PKNOX2: variants seen among roughly 807,000 people sequenced by gnomAD.
The protein encoded by PKNOX2 is homeobox protein PKNOX2.
A neutral mutation model predicts 53.1 loss-of-function variants in PKNOX2; 14 were observed. The observed-to-expected ratio is 0.26, with a 90% CI of 0.17 to 0.41. The LOEUF (loss-of-function observed/expected upper bound fraction) is 0.41. Among genes scored for constraint, PKNOX2 ranks in the 10% least tolerant of loss-of-function variants. The probability of loss-of-function intolerance (pLI) is 1.00; values close to 1 mark genes in which losing one functional copy is unlikely to be tolerated. For synonymous variants in PKNOX2, 257 were observed against 242.8 expected (o/e 1.06, Z -0.54); for missense variants, 496 against 602.8 (o/e 0.82, Z 1.85).
At chr11:125,390,118 T>C (rs571214789) in intron 6 of PKNOX2, among the ~76,000 whole-genome samples, 5 of 152,294 alleles carry the variant, frequency 3.3e-5, no homozygotes, top group African/African-American at 1.2e-4. Context: ...GGAAAGGAAA[T>C]GGGAATCCTC....
intron 2 of PKNOX2, among the ~76,000 whole-genome samples, chr11:125,238,995 T>TCA (rs2135588629): frequency 1.3e-5 from 2 of 152,288 alleles, no homozygotes; most frequent in African/African-American, 4.8e-5. Flanking sequence ...CTATGAGGAC[T>TCA]CACTGCGATC....
chr11:125,409,601 G>A (rs1192804108), intron 7 of PKNOX2, among the ~76,000 whole-genome samples: 1 of 152,140 alleles, frequency 6.6e-6, no homozygotes, highest in Non-Finnish European at 1.5e-5. Context: ...GAGAGCTGGA[G>A]GCTGCTCTGT....
intron 1 of PKNOX2, among the ~76,000 whole-genome samples, chr11:125,199,198 C>T (rs1260628098): frequency 6.6e-6 from 1 of 152,066 alleles, no homozygotes; most frequent in Non-Finnish European, 1.5e-5. Context: ...CCAGCCCAGC[C>T]CCAGGTGGCA....
chr11:125,295,907 T>C (rs1947628952), intron 2 of PKNOX2, among the ~76,000 whole-genome samples: 1 of 152,140 alleles, frequency 6.6e-6, no homozygotes, highest in Non-Finnish European at 1.5e-5. Context: ...TCTTCAAGAA[T>C]GTTCTTCTGT....
intron 2 of PKNOX2, among the ~76,000 whole-genome samples, chr11:125,285,297 A>G (rs1946827481): frequency 6.6e-6 from 1 of 152,160 alleles, no homozygotes; most frequent in African/African-American, 2.4e-5. Context: ...GAACGTTGGG[A>G]AAACACACCC....
intron 2 of PKNOX2, chr11:125,287,625 G>A (rs764648919): frequency 6.6e-6 from 1 of 152,248 alleles, no homozygotes; most frequent in Non-Finnish European, 1.5e-5. Context: ...GCAACACGTG[G>A]TGTTGGGCTA....
chr11:125,246,345 G>A lies in PKNOX2; in HGVS notation c.-130+11230G>A, dbSNP rs188360562. Reference sequence around the variant, plus strand: ...TTCCTGCAATAACAAACCCACTCCCGTGATAAAGGTGGCACACTCATGACC... The same window carrying A: ...TTCCTGCAATAACAAACCCACTCCCATGATAAAGGTGGCACACTCATGACC... On this transcript the variant is annotated intron_variant, in intron 2 of 12. Coordinates refer to ENST00000298282, the MANE Select transcript of PKNOX2 (RefSeq NM_001382323.2). 1.8e-3 allele frequency among the ~76,000 whole-genome samples: 271 copies of A among 152,286 alleles called. 7 individuals carry two copies. Among genetic ancestry groups the A allele is most frequent in the Admixed American group, 0.018 (268 of 15,298 alleles).
At chr11:125,401,793 G>A (rs1244818544) in intron 7 of PKNOX2, among the ~76,000 whole-genome samples, 1 of 151,556 alleles carries the variant, frequency 6.6e-6, no homozygotes, top group Non-Finnish European at 1.5e-5. Context: ...GTGTGTGTAT[G>A]TGTGTGCACA....
At chr11:125,423,245 T>G (rs1483559435) in intron 10 of PKNOX2, among the ~76,000 whole-genome samples, 1 of 152,196 alleles carries the variant, frequency 6.6e-6, no homozygotes, top group Non-Finnish European at 1.5e-5. Context: ...ACCTGGGCAG[T>G]CTGACTCTAG....
chr11:125,423,825 T>C (rs923169542), intron 10 of PKNOX2, among the ~76,000 whole-genome samples: 1 of 152,140 alleles, frequency 6.6e-6, no homozygotes, highest in African/African-American at 2.4e-5. Context: ...CTTGCTGGCA[T>C]TGTGAAGCAT....
chr11:125,375,642 G>A (rs1047392988), intron 5 of PKNOX2, among the ~76,000 whole-genome samples: 7 of 152,200 alleles, frequency 4.6e-5, no homozygotes, highest in Non-Finnish European at 1.0e-4. Flanking sequence ...ACTTTACAAA[G>A]TGCCACTGAG....
At chr11:125,195,254 C>A (rs117245449) in intron 1 of PKNOX2, among the ~76,000 whole-genome samples, 1 of 152,222 alleles carries the variant, frequency 6.6e-6, no homozygotes, top group Non-Finnish European at 1.5e-5. Context: ...AGAATTTGAA[C>A]CCAGGCTGGT....
chr11:125,201,791 T>C (rs1391729900), intron 1 of PKNOX2, among the ~76,000 whole-genome samples: 1 of 152,222 alleles, frequency 6.6e-6, no homozygotes, highest in African/African-American at 2.4e-5. Flanking sequence ...GAGCCTTATC[T>C]CAGGCACTCC....
intron 1 of PKNOX2, among the ~76,000 whole-genome samples, chr11:125,222,785 G>GTA (rs1227599972): frequency 6.6e-6 from 1 of 151,298 alleles, no homozygotes; most frequent in African/African-American, 2.4e-5. Context: ...GTGTATGTGT[G>GTA]TATGTGTGTG....
Position 125,431,434 on chromosome 11 carries a change from G to T in PKNOX2, c.*42G>T, listed in dbSNP as rs1956699354. The T allele has an allele frequency of 7.0e-7, 1 of 1,436,694 alleles. No homozygotes were observed. The highest frequency in any genetic ancestry group is 2.9e-5 in the East Asian group (1 of 35,052). 89.0% of individuals were successfully genotyped at this position (1,436,694 alleles called of 1,614,324 possible). The stretch of plus-strand genomic sequence containing the variant: ...GCACTGATCACTGAGCAGGAGAGGA[G>T]TGTCGCCGGGAGGCCTTCAGGGTGG... On this transcript the variant is annotated 3_prime_UTR_variant, in exon 13 of 13. Coordinates refer to ENST00000298282, the MANE Select transcript of PKNOX2 (RefSeq NM_001382323.2).
At chr11:125,180,725 C>A (rs981399085) in intron 1 of PKNOX2, among the ~76,000 whole-genome samples, 1 of 152,228 alleles carries the variant, frequency 6.6e-6, no homozygotes, top group South Asian at 2.1e-4. Context: ...TCCTGGTGTT[C>A]TGCTCCTGGG....
chr11:125,197,077 C>T (rs1029024168), intron 1 of PKNOX2, among the ~76,000 whole-genome samples: 1 of 152,226 alleles, frequency 6.6e-6, no homozygotes, highest in East Asian at 1.9e-4. Context: ...GGGTCACCAT[C>T]GCTGCAGAGA....
chr11:125,273,558 G>C (rs891978548), intron 2 of PKNOX2, among the ~76,000 whole-genome samples: 3 of 152,190 alleles, frequency 2.0e-5, no homozygotes, highest in African/African-American at 7.2e-5. Flanking sequence ...AAAATGCCTT[G>C]TGGTTTTGTG....
intron 2 of PKNOX2, among the ~76,000 whole-genome samples, chr11:125,262,428 TC>T (rs1944933254): frequency 1.3e-5 from 2 of 151,514 alleles, no homozygotes; most frequent in Non-Finnish European, 2.9e-5. Context: ...TTGCTTAGCG[TC>T]CCGTCGCAGA....
Sources: gnomAD v4.1 joint callset for allele counts (sites outside exome capture counted in the v4.1 genomes callset) on GRCh38, gnomAD v4.1.1 for gene constraint, MANE v1.5 for transcripts, NCBI Gene and HGNC (gene_info 2026-07-23, HGNC 2026-07-21) for gene names.